SNX29: variants seen among roughly 807,000 people sequenced by gnomAD.
SNX29 encodes the protein sorting nexin 29, also known as sorting nexin-29.
SNX29 carries 78 observed loss-of-function variants against 102.1 expected under a neutral mutation model. That is an observed-to-expected ratio of 0.76 (90% CI 0.64 to 0.92). The LOEUF is 0.92. SNX29 is among the 40% of genes least tolerant of loss of function. The probability of loss-of-function intolerance (pLI) is 0.00; values close to 1 mark genes in which losing one functional copy is unlikely to be tolerated. For synonymous variants in SNX29, 580 were observed against 414.5 expected (o/e 1.40, Z -4.85); for missense variants, 1,280 against 1,061.7 (o/e 1.21, Z -2.86).
intron 15 of SNX29, among the ~76,000 whole-genome samples, chr16:12,327,735 CAG>C (rs3971212): frequency 0.37 from 55,474 of 151,798 alleles, 11,938 homozygotes; most frequent in South Asian, 0.69. Flanking sequence ...CGGAGAGAGA[CAG>C]AGAGAGGAAA....
Position 12,537,752 on chromosome 16 carries a change from C to G in SNX29, c.2318+12911C>G, listed in dbSNP as rs112837426. On this transcript the variant is annotated intron_variant, in intron 20 of 20. Transcript: ENST00000566228. ...TATTTTTGGCACAATGACCTCTATC[C>G]TATGTGGGGTTTGTTTAAACAAAAA... is the stretch of plus-strand genomic sequence containing the variant. Among the ~76,000 whole-genome samples, 251 of 152,124 alleles carry G rather than the reference C, an allele frequency of 1.6e-3. 3 individuals carry two copies. Among genetic ancestry groups the G allele is most frequent in the Middle Eastern group, 0.01 (3 of 294 alleles).
chr16:12,345,265 G>A lies in SNX29; in HGVS notation c.1783-10898G>A, dbSNP rs185957739. On this transcript the variant is annotated intron_variant, in intron 15 of 20. Coordinates refer to ENST00000566228, the MANE Select transcript of SNX29 (RefSeq NM_032167.5). ...GCCTCATGTAACAGATAGAACATGG[G>A]TCTGGGCGTTAGCTACTGCAGCCAT... 1.6e-3 allele frequency among the ~76,000 whole-genome samples: 244 copies of A among 152,304 alleles called. 1 individual carries two copies. Among genetic ancestry groups the A allele is most frequent in the African/African-American group, 5.7e-3 (238 of 41,566 alleles).
intron 4 of SNX29, among the ~76,000 whole-genome samples, chr16:12,039,336 C>G (rs984193425): frequency 9.9e-5 from 15 of 152,000 alleles, no homozygotes. Flanking sequence ...GATTTTCAGG[C>G]TTAGCATGGT....
intron 20 of SNX29, among the ~76,000 whole-genome samples, chr16:12,565,214 C>T (rs754086147): frequency 3.9e-5 from 6 of 152,192 alleles, no homozygotes; most frequent in East Asian, 1.9e-4. Context: ...AGCCAGACAG[C>T]ATTACCAGTA....
rs1380726637 is a variant in SNX29 at position 12,574,037 on chromosome 16, G to C, written c.*5408G>C. ...TAAGCAGGCCACATATCTAGAGTCT[G>C]ATAGTCTGTGTGTACATAAGGTCTA... On this transcript the variant is annotated 3_prime_UTR_variant, in exon 21 of 21. Transcript: ENST00000566228. 1 of 195,244 alleles carries C rather than the reference G, an allele frequency of 5.1e-6. No homozygotes were observed. Among genetic ancestry groups the C allele is most frequent in the Non-Finnish European group, 1.1e-5 (1 of 93,984 alleles). The allele number at this position is 195,244 out of a possible 1,614,324, so 12.1% of individuals were successfully genotyped here. A position where few individuals can be genotyped will look rare whatever the true frequency, so the allele number is the denominator to read the frequency against.
In SNX29 at chr16:12,350,151, T is replaced by C. The variant is rs116268842; in HGVS notation, c.1783-6012T>C. 1.6e-3 allele frequency among the ~76,000 whole-genome samples: 243 copies of C among 152,320 alleles called. 1 individual carries two copies. Among genetic ancestry groups the C allele is most frequent in the African/African-American group, 5.7e-3 (237 of 41,572 alleles). On this transcript the variant is annotated intron_variant, in intron 15 of 20. Transcript: ENST00000566228. ...GTGTGTGGCACTTGCTGTGTCATTA[T>C]TGAGGTAGCAACACTGCATGTGACA...
At chr16:12,554,359 C>T (rs539406538) in intron 20 of SNX29, among the ~76,000 whole-genome samples, 14 of 138,582 alleles carry the variant, frequency 1.0e-4, no homozygotes, top group African/African-American at 2.7e-4. Flanking sequence ...TTTCCCTTAC[C>T]TGTGTCTTGA....
intron 15 of SNX29, among the ~76,000 whole-genome samples, chr16:12,349,643 C>G (rs2151289046): frequency 6.6e-6 from 1 of 152,280 alleles, no homozygotes; most frequent in South Asian, 2.1e-4. Context: ...CAAAATACTT[C>G]TGGTCCTGAG....
chr16:12,307,493 A>G (rs1030990846), intron 15 of SNX29, among the ~76,000 whole-genome samples: 1 of 152,212 alleles, frequency 6.6e-6, no homozygotes, highest in Non-Finnish European at 1.5e-5. Flanking sequence ...GGATGCTTTC[A>G]TGCAGGGCTG....
intron 19 of SNX29, among the ~76,000 whole-genome samples, chr16:12,519,166 C>T (rs757479878): frequency 1.8e-4 from 28 of 152,218 alleles, no homozygotes; most frequent in East Asian, 7.7e-4. Context: ...AGAAATCTCC[C>T]GGTTTTAATG....
At chr16:12,329,155 T>C (rs951239209) in intron 15 of SNX29, among the ~76,000 whole-genome samples, 1 of 150,806 alleles carries the variant, frequency 6.6e-6, no homozygotes, top group African/African-American at 2.4e-5. Context: ...TGCGTACCTG[T>C]GGTCCCAGCT....
chr16:12,349,052 A>C (rs1270652032), intron 15 of SNX29, among the ~76,000 whole-genome samples: 1 of 152,180 alleles, frequency 6.6e-6, no homozygotes, highest in Non-Finnish European at 1.5e-5. Flanking sequence ...AGGAGCAGAG[A>C]GCGCTGAATT....
chr16:12,409,884 G>C (rs2084324847), intron 18 of SNX29, among the ~76,000 whole-genome samples: 1 of 152,160 alleles, frequency 6.6e-6, no homozygotes, highest in Non-Finnish European at 1.5e-5. Flanking sequence ...TGCGTCTAGC[G>C]ACCACAAATG....
intron 13 of SNX29, among the ~76,000 whole-genome samples, chr16:12,130,332 G>A (rs568504062): frequency 2.0e-5 from 3 of 151,628 alleles, no homozygotes; most frequent in East Asian, 2.0e-4. Flanking sequence ...AAAATTAGCC[G>A]GGAGTGGTGA....
intron 16 of SNX29, among the ~76,000 whole-genome samples, chr16:12,395,323 A>G (rs1273277748): frequency 6.6e-6 from 1 of 152,158 alleles, no homozygotes; most frequent in Non-Finnish European, 1.5e-5. Flanking sequence ...CCTGCTCCCC[A>G]TCTGCCCCAA....
intron 18 of SNX29, among the ~76,000 whole-genome samples, chr16:12,445,411 T>C (rs893609855): frequency 6.6e-6 from 1 of 152,066 alleles, no homozygotes; most frequent in African/African-American, 2.4e-5. Flanking sequence ...TTCTGTACAC[T>C]GAGCAACTCT....
At chr16:12,257,341 C>G (rs542906730) in intron 14 of SNX29, among the ~76,000 whole-genome samples, 1 of 152,184 alleles carries the variant, frequency 6.6e-6, no homozygotes, top group East Asian at 1.9e-4. Flanking sequence ...TAAGGGCTCA[C>G]GTCATTAGAT....
intron 19 of SNX29, among the ~76,000 whole-genome samples, chr16:12,496,236 CA>C (rs1441977927): frequency 1.5e-4 from 23 of 152,198 alleles, no homozygotes; most frequent in African/African-American, 4.8e-4. Flanking sequence ...AGTTGTGACA[CA>C]GGGGTAGTCA....
intron 19 of SNX29, among the ~76,000 whole-genome samples, chr16:12,497,880 C>T (rs369469491): frequency 3.3e-5 from 5 of 152,150 alleles, no homozygotes; most frequent in Admixed American, 6.5e-5. Flanking sequence ...CCAATCACAG[C>T]GACTGTGATT....
Sources: allele counts gnomAD v4.1 joint callset (sites outside exome capture counted in the v4.1 genomes callset), GRCh38; gene constraint gnomAD v4.1.1; transcripts MANE v1.5; gene names NCBI Gene and HGNC (gene_info 2026-07-23, HGNC 2026-07-21).